ADD3: variants seen among roughly 807,000 people sequenced by gnomAD.
ADD3 encodes the protein adducin 3, also known as gamma-adducin.
Under a neutral mutation model 80.2 loss-of-function variants are expected in ADD3, and 25 were observed. The observed-to-expected ratio is 0.31, with a 90% CI of 0.23 to 0.44. The LOEUF is 0.44. Ranked by LOEUF, ADD3 falls within the 20% of genes least tolerant of loss-of-function variation. The pLI, the probability that ADD3 is intolerant of heterozygous loss-of-function variation, is 1.00. For synonymous variants in ADD3, 284 were observed against 289.6 expected, an observed-to-expected ratio of 0.98 and a Z score of 0.20; for missense variants, 829 against 847.5, an observed-to-expected ratio of 0.98 and a Z score of 0.27.
At chr10:110,130,757 G>A (rs1414832594) in intron 13 of ADD3, among the ~76,000 whole-genome samples, 3 of 152,002 alleles carry the variant, frequency 2.0e-5, no homozygotes, top group African/African-American at 7.2e-5. Context: ...TCTGGTGGCT[G>A]AGGCAGGAGA....
At chr10:110,093,586 A>ATATAG (rs1847811843) in intron 1 of ADD3, among the ~76,000 whole-genome samples, 1 of 152,230 alleles carries the variant, frequency 6.6e-6, no homozygotes, top group East Asian at 1.9e-4. Flanking sequence ...TAGCCAACGT[A>ATATAG]GTCTCCTTTT....
At chr10:110,132,641 G>A in intron 14 of ADD3, 1 of 432,130 alleles carries the variant, frequency 2.3e-6, no homozygotes, top group Admixed American at 4.1e-5. Flanking sequence ...AGAATTTGTG[G>A]AATTGGCTGG....
Position 110,117,328 on chromosome 10 carries a change from GT to G in ADD3, c.487-5del, listed in dbSNP as rs768539322. 69 of 1,420,486 alleles carry G rather than the reference GT, an allele frequency of 4.9e-5. No homozygotes were observed. The highest frequency in any genetic ancestry group is 1.6e-4 in the Admixed American group (9 of 56,886). 88.0% of individuals were successfully genotyped at this position (1,420,486 alleles called of 1,614,324 possible). A position where few individuals can be genotyped will look rare whatever the true frequency, so the allele number is the denominator to read the frequency against. ...AACCACTTCATAGTAATTCCCTGTT[GT>G]TTTTTTTTCCAGGTAAGAATAAGTA... is the stretch of plus-strand genomic sequence containing the variant. On this transcript the variant is annotated splice_polypyrimidine_tract_variant and intron_variant, in intron 4 of 14. Coordinates refer to ENST00000356080, the MANE Select transcript of ADD3 (RefSeq NM_016824.5).
rs77948528 is a variant in ADD3 at position 110,083,550 on chromosome 10, G to A, written c.-29-17075G>A. Among the ~76,000 whole-genome samples, 934 of 152,082 alleles carry A rather than the reference G, an allele frequency of 6.1e-3. 6 individuals are homozygous for A. Among genetic ancestry groups the A allele is most frequent in the African/African-American group, 0.022 (896 of 41,466 alleles). On this transcript the variant is annotated intron_variant, in intron 1 of 14. Coordinates refer to ENST00000356080, the MANE Select transcript of ADD3 (RefSeq NM_016824.5). ...AAGAAAATAGAAGAAGAAGTATGGT[G>A]AGCAAAGCAACAATCGGGGATGGCT...
At chr10:110,117,529 A>G (rs896281478) in intron 5 of ADD3, 107 bp downstream of exon 5, 14 of 671,620 alleles carry the variant, frequency 2.1e-5, no homozygotes, top group African/African-American at 2.0e-4. Context: ...ATGGAAAAAC[A>G]TTTACTAGTG....
intron 2 of ADD3, among the ~76,000 whole-genome samples, chr10:110,109,175 A>G (rs1361451496): frequency 6.6e-6 from 1 of 152,118 alleles, no homozygotes; most frequent in Admixed American, 6.5e-5. Flanking sequence ...CACCCAGCAG[A>G]AATTTCTCAC....
intron 3 of ADD3, among the ~76,000 whole-genome samples, chr10:110,113,318 A>C (rs1249584518): frequency 2.6e-5 from 4 of 152,154 alleles, no homozygotes; most frequent in African/African-American, 7.2e-5. Flanking sequence ...CCGAGGCTGG[A>C]GTACAGTGGC....
At chr10:110,097,479 CAA>C (rs200544680) in intron 1 of ADD3, among the ~76,000 whole-genome samples, 1,734 of 152,228 alleles carry the variant, frequency 0.011, 24 homozygotes, top group African/African-American at 0.039. Context: ...TTCAGACTTA[CAA>C]AAGAGTTGGC....
At chr10:110,072,431 C>A (rs1192055074) in intron 1 of ADD3, among the ~76,000 whole-genome samples, 1 of 152,132 alleles carries the variant, frequency 6.6e-6, no homozygotes, top group African/African-American at 2.4e-5. Flanking sequence ...GCCCTGCCCT[C>A]AAGTTGCACA....
At chr10:110,054,530 C>T (rs1348986986) in intron 1 of ADD3, among the ~76,000 whole-genome samples, 8 of 150,402 alleles carry the variant, frequency 5.3e-5, no homozygotes, top group Non-Finnish European at 1.2e-4. Context: ...CAACCTCCAC[C>T]TCCCAGGTTC....
intron 13 of ADD3, among the ~76,000 whole-genome samples, chr10:110,131,357 TCCA>T (rs1852952883): frequency 6.6e-6 from 1 of 152,192 alleles, no homozygotes; most frequent in African/African-American, 2.4e-5. Flanking sequence ...CTTCAGGCAG[TCCA>T]TGAGCCACCT....
chr10:110,054,875 A>G (rs900517299), intron 1 of ADD3, among the ~76,000 whole-genome samples: 13 of 151,764 alleles, frequency 8.6e-5, no homozygotes, highest in Admixed American at 3.3e-4. Flanking sequence ...TGGCCTCCCA[A>G]CGTGCTGGGC....
chr10:110,089,453 A>G (rs1242375688), intron 1 of ADD3, among the ~76,000 whole-genome samples: 1 of 152,146 alleles, frequency 6.6e-6, no homozygotes, highest in Non-Finnish European at 1.5e-5. Context: ...AGCTTTCTCT[A>G]AGGAAGGGGT....
At chr10:110,090,216 C>CTT (rs144120692) in intron 1 of ADD3, among the ~76,000 whole-genome samples, 9,561 of 113,844 alleles carry the variant, frequency 0.084, 1,941 homozygotes, top group African/African-American at 0.32. Context: ...ACCTACTTGA[C>CTT]TTTTTTTTTT....
chr10:110,070,745 TGG>T (rs1005643684), intron 1 of ADD3, among the ~76,000 whole-genome samples: 2 of 151,970 alleles, frequency 1.3e-5, no homozygotes, highest in Non-Finnish European at 2.9e-5. Context: ...GGATAAAGAT[TGG>T]GGGGTAGGGG....
At chr10:110,001,081 A>G (rs573834901), upstream of ADD3, among the ~76,000 whole-genome samples, 135 of 152,306 alleles carry the variant, frequency 8.9e-4, no homozygotes, top group Non-Finnish European at 1.7e-3. Context: ...TATGTCATTT[A>G]ATCCTCACAA....
rs1202299191 is a variant in ADD3 at position 110,022,762 on chromosome 10, A to C, written c.-30+14463A>C. Among the ~76,000 whole-genome samples, 3 of 152,220 alleles carry C rather than the reference A, an allele frequency of 2.0e-5. No homozygotes were observed. The South Asian group carries it at 6.2e-4, about 32-fold the overall frequency. On this transcript the variant is annotated intron_variant, in intron 1 of 14. Coordinates refer to ENST00000356080, the MANE Select transcript of ADD3 (RefSeq NM_016824.5). ...GTACAGGTGGGCACAGAGAAGGGAA[A>C]TATCTCATTGGGGAGAAACAATTCA...
At chr10:110,003,211 T>C (rs1049697183), upstream of ADD3, among the ~76,000 whole-genome samples, 5 of 152,158 alleles carry the variant, frequency 3.3e-5, no homozygotes, top group African/African-American at 9.7e-5. Context: ...CTATAAATTC[T>C]TGGCTCTTCA....
intron 1 of ADD3, among the ~76,000 whole-genome samples, chr10:110,020,366 A>G (rs1853528819): frequency 6.6e-6 from 1 of 152,198 alleles, no homozygotes; most frequent in African/African-American, 2.4e-5. Flanking sequence ...AGAGCAGGGA[A>G]GGGAAACTAA....
Sources: allele counts gnomAD v4.1 joint callset (sites outside exome capture counted in the v4.1 genomes callset), GRCh38; gene constraint gnomAD v4.1.1; transcripts MANE v1.5; gene names NCBI Gene and HGNC (gene_info 2026-07-23, HGNC 2026-07-21).